Variants in KAT6A observed in about 807,000 individuals in gnomAD.
KAT6A encodes histone acetyltransferase KAT6A.
KAT6A carries 9 observed loss-of-function variants against 198.4 expected under a neutral mutation model. The observed-to-expected ratio is 0.05, with a 90% CI of 0.03 to 0.08. The LOEUF is 0.08. KAT6A is among the 10% of genes least tolerant of loss of function. The pLI, the probability that KAT6A is intolerant of heterozygous loss-of-function variation, is 1.00. For missense variants in KAT6A, 2,077 were observed against 2,509.9 expected (o/e 0.83, Z 3.69); for synonymous variants, 890 against 883.0 (o/e 1.01, Z -0.14).
chr8:41,965,987 AC>A (rs1221192070), intron 8 of KAT6A, among the ~76,000 whole-genome samples: 1 of 152,226 alleles, frequency 6.6e-6, no homozygotes, highest in Admixed American at 6.5e-5. Context: ...ATTTAGCACA[AC>A]TTATTAAAAT....
intron 2 of KAT6A, among the ~76,000 whole-genome samples, chr8:42,034,323 G>A (rs1827269108): frequency 6.6e-6 from 1 of 152,108 alleles, no homozygotes; most frequent in South Asian, 2.1e-4. Context: ...TCAAGAATCT[G>A]CATTTTAAAC....
rs939681555 is a variant in KAT6A at position 41,937,508 on chromosome 8, C to T, written c.3100G>A (p.Val1034Ile). 6.2e-7 allele frequency: 1 copy of T among 1,614,048 alleles called. No homozygotes were observed. The highest frequency in any genetic ancestry group is 1.3e-5 in the African/African-American group (1 of 74,936). ...RKRKHHNSSV[V>I]TETISETTEV... ...GTGGTCTCAGAAATAGTTTCTGTGACTACACTGCTATTGTGGTGTTTGCGC... is the reference window on the plus strand; with the variant it reads ...GTGGTCTCAGAAATAGTTTCTGTGATTACACTGCTATTGTGGTGTTTGCGC... The change falls in exon 16 of 17, where the codon GTC becomes ATC. Residue 1034 changes from valine (V) to isoleucine (I), a missense_variant. Val to Ile is a conservative substitution (Grantham distance 29, BLOSUM62 3). This residue lies in a region of KAT6A where 19 missense variants were observed against 40.5 expected (regional missense o/e 0.47). Coordinates refer to ENST00000265713, the MANE Select transcript of KAT6A (RefSeq NM_006766.5).
Position 41,934,591 on chromosome 8 carries a change from G to A in KAT6A, c.3629C>T (p.Thr1210Ile). ...RKPKIQESEE[T>I]VEPKEDMPLP... ...GGGCATGTCTTCTTTTGGCTCAACA[G>A]TTTCTTCACTCTCCTGGATCTTGGG... Residue 1210 changes from threonine (T) to isoleucine (I), a missense_variant, in exon 17 of 17, where the codon ACT (threonine) becomes ATT (isoleucine). Thr to Ile is a moderately conservative substitution (Grantham distance 89). Transcript: ENST00000265713. The A allele has an allele frequency of 1.9e-6, 3 of 1,613,960 alleles. No homozygotes were observed. Among genetic ancestry groups the A allele is most frequent in the South Asian group, 2.2e-5 (2 of 91,074 alleles).
At chr8:41,986,590 A>T (rs936564006) in intron 3 of KAT6A, among the ~76,000 whole-genome samples, 8 of 152,202 alleles carry the variant, frequency 5.3e-5, no homozygotes, top group African/African-American at 9.6e-5. Flanking sequence ...TATATATATA[A>T]AAAAAAACTA....
chr8:41,969,632 T>G lies in KAT6A; in HGVS notation c.1482+5072A>C, dbSNP rs1823676669. The stretch of plus-strand genomic sequence containing the variant: ...TTGCTTAATTCTAAACCACTCTTTA[T>G]GTAGTAGCCAAGAAAAACCATTTTT... On this transcript the variant is annotated intron_variant, in intron 8 of 16. Coordinates refer to ENST00000265713, the MANE Select transcript of KAT6A (RefSeq NM_006766.5). 2.0e-5 allele frequency among the ~76,000 whole-genome samples: 3 copies of G among 152,240 alleles called. No individual in the cohort carries two copies. The South Asian group carries it at 6.2e-4, about 31-fold the overall frequency.
intron 2 of KAT6A, among the ~76,000 whole-genome samples, chr8:41,995,489 G>A (rs906346580): frequency 1.3e-5 from 2 of 152,076 alleles, no homozygotes; most frequent in African/African-American, 4.8e-5. Flanking sequence ...GTAACAAGCA[G>A]GCATTCTGAC....
intron 2 of KAT6A, among the ~76,000 whole-genome samples, chr8:41,995,399 T>C (rs1825147966): frequency 6.6e-6 from 1 of 152,070 alleles, no homozygotes; most frequent in Admixed American, 6.6e-5. Context: ...TTGCCCTACA[T>C]CTCCTTTAAG....
rs945508692 is a variant in KAT6A at position 42,049,309 on chromosome 8, A to G, written c.-325-7T>C. 1.7e-5 allele frequency: 5 copies of G among 302,740 alleles called. No homozygotes were observed. Among genetic ancestry groups the G allele is most frequent in the African/African-American group, 6.4e-5 (3 of 46,952 alleles). The allele number at this position is 302,740 out of a possible 1,614,324, so 18.8% of individuals were successfully genotyped here. A position where few individuals can be genotyped will look rare whatever the true frequency, so the allele number is the denominator to read the frequency against. ...AAAAATGTGCATCTTATGCCTGAAAAGCAATGAAAATAAGGTCAGTTTTCT... is the reference window on the plus strand; with the variant it reads ...AAAAATGTGCATCTTATGCCTGAAAGGCAATGAAAATAAGGTCAGTTTTCT... On this transcript the variant is annotated splice_region_variant and splice_polypyrimidine_tract_variant and intron_variant, in intron 1 of 16. Transcript: ENST00000265713.
Position 41,978,841 on chromosome 8 carries a change from T to G in KAT6A, c.908-64A>C, listed in dbSNP as rs759953985. 6.2e-5 allele frequency: 92 copies of G among 1,488,400 alleles called. No individual in the cohort carries two copies. In the African/African-American group the frequency reaches 1.2e-3, roughly 20 times the overall value. The allele number at this position is 1,488,400 out of a possible 1,614,324, so 92.2% of individuals were successfully genotyped here. A position where few individuals can be genotyped will look rare whatever the true frequency, so the allele number is the denominator to read the frequency against. Reference sequence around the variant, plus strand: ...CATAAATACACTGAAAGGTTTCAGATAGTCTTAAGTCAGGATCTTAACTTT... The same window carrying G: ...CATAAATACACTGAAAGGTTTCAGAGAGTCTTAAGTCAGGATCTTAACTTT... On this transcript the variant is annotated intron_variant, in intron 5 of 16. Transcript: ENST00000265713.
At chr8:42,005,899 A>C (rs1004448133) in intron 2 of KAT6A, among the ~76,000 whole-genome samples, 1 of 152,204 alleles carries the variant, frequency 6.6e-6, no homozygotes, top group African/African-American at 2.4e-5. Context: ...TTGATCCAGA[A>C]GCAATGACTC....
chr8:41,991,946 G>GA (rs753328671), intron 2 of KAT6A, among the ~76,000 whole-genome samples: 5 of 152,072 alleles, frequency 3.3e-5, no homozygotes, highest in Non-Finnish European at 7.4e-5. Context: ...AATGACACAA[G>GA]AACTTCAACA....
intron 2 of KAT6A, among the ~76,000 whole-genome samples, chr8:41,988,000 A>G (rs188359108): frequency 1.3e-5 from 2 of 152,366 alleles, no homozygotes; most frequent in East Asian, 1.9e-4. Flanking sequence ...TGAGAGAAAC[A>G]GTAAGTGTTT....
chr8:41,941,362 G>A lies in KAT6A; in HGVS notation c.2519C>T (p.Pro840Leu). The change falls in exon 15 of 17, where the codon CCA (proline) becomes CTA (leucine). Residue 840 changes from proline (P) to leucine (L), a missense_variant. Pro to Leu is a moderately conservative substitution (Grantham distance 98). Transcript: ENST00000265713. The part of the protein sequence containing the change: ...ESEKKPEVMA[P>L]VSSTRLSKQV... The stretch of plus-strand genomic sequence containing the variant: ...TTTGCTCAAACGTGTAGAACTGACT[G>A]GAGCCATAACTTCTGGTTTCTTTTC... 1 of 1,611,928 alleles carries A rather than the reference G, an allele frequency of 6.2e-7. No individual in the cohort carries two copies. The highest frequency in any genetic ancestry group is 8.5e-7 in the Non-Finnish European group (1 of 1,179,978).
intron 2 of KAT6A, among the ~76,000 whole-genome samples, chr8:42,014,107 C>A (rs528158520): frequency 7.0e-4 from 106 of 151,818 alleles, no homozygotes; most frequent in South Asian, 4.0e-3. Context: ...ATTTTTCAAC[C>A]ATTTAGAATT....
In KAT6A at chr8:41,947,627, C is replaced by T. The variant is rs111917347; in HGVS notation, c.1902+124G>A. The T allele has an allele frequency of 6.8e-6, 5 of 730,608 alleles. No individual in the cohort carries two copies. The African/African-American group carries it at 9.2e-5, about 13-fold the overall frequency. 45.3% of individuals were successfully genotyped at this position (730,608 alleles called of 1,614,324 possible). ...TAAGTTTCCAAATGTTCCTTCTATT[C>T]TTTCCAAACAGCTAGATGACACCTA... On this transcript the variant is annotated intron_variant, in intron 11 of 16. Coordinates refer to ENST00000265713, the MANE Select transcript of KAT6A (RefSeq NM_006766.5).
rs572275577 is a variant in KAT6A, at chr8:42,047,139, T to A, written c.600+1239A>T. The stretch of plus-strand genomic sequence containing the variant: ...TCCATCATCTTAAGCAAAATGAAGA[T>A]CATTTTACTTATGTCTACCAAGGTG... On this transcript the variant is annotated intron_variant, in intron 2 of 16. Coordinates refer to ENST00000265713, the MANE Select transcript of KAT6A (RefSeq NM_006766.5). 3.8e-4 allele frequency among the ~76,000 whole-genome samples: 58 copies of A among 152,328 alleles called. 2 individuals are homozygous for A. The South Asian group carries it at 0.011, about 30-fold the overall frequency.
rs1462799378 is a variant in KAT6A, at chr8:42,051,373, G to GC, written c.-326+527dup. ...GCCTCAGCCCCGCTCGGATCCCCGC[G>GC]CCCCCGGCCGGAGCCAAAGCCGGAG... On this transcript the variant is annotated intron_variant, in intron 1 of 16. Transcript: ENST00000265713. 2.6e-5 allele frequency among the ~76,000 whole-genome samples: 4 copies of GC among 151,698 alleles called. No individual in the cohort carries two copies. In the East Asian group the frequency reaches 7.8e-4, roughly 30 times the overall value.
intron 2 of KAT6A, among the ~76,000 whole-genome samples, chr8:41,989,977 C>CATA (rs1824846646): frequency 6.6e-6 from 1 of 151,980 alleles, no homozygotes; most frequent in Admixed American, 6.5e-5. Flanking sequence ...CACATCCTTT[C>CATA]CTCAAAAAGG....
chr8:41,957,936 C>G (rs1823005574), intron 8 of KAT6A: 1 of 152,464 alleles, frequency 6.6e-6, no homozygotes, highest in African/African-American at 2.4e-5. Context: ...TTAACAATTT[C>G]TGTAAACACA....
Sources: allele counts gnomAD v4.1 joint callset (sites outside exome capture counted in the v4.1 genomes callset), GRCh38; gene constraint gnomAD v4.1.1; regional missense constraint gnomAD v4.1.1; transcripts MANE v1.5; gene names NCBI Gene and HGNC (gene_info 2026-07-23, HGNC 2026-07-21).